Variants in TGFA observed in about 807,000 individuals in gnomAD.
TGFA encodes the protein transforming growth factor alpha.
In TGFA, 12 loss-of-function variants were observed where a neutral mutation model predicts 21.7. The ratio of observed to expected loss-of-function variants is 0.55; its 90% CI spans 0.35 to 0.90. The LOEUF (loss-of-function observed/expected upper bound fraction) is 0.90, where lower values mean the gene tolerates loss of function less well. TGFA is among the 40% of genes least tolerant of loss of function. The pLI, the probability that TGFA is intolerant of heterozygous loss-of-function variation, is 0.01. For synonymous variants in TGFA, 79 were observed against 88.1 expected (o/e 0.90, Z 0.58); for missense variants, 178 against 210.8 (o/e 0.84, Z 0.96).
At chr2:70,494,213 C>T (rs1671513251) in intron 2 of TGFA, among the ~76,000 whole-genome samples, 1 of 152,114 alleles carries the variant, frequency 6.6e-6, no homozygotes, top group Non-Finnish European at 1.5e-5. Flanking sequence ...TTATAAAGGT[C>T]TTGTGGTTAT....
At chr2:70,486,883 C>T (rs1384470549) in intron 2 of TGFA, among the ~76,000 whole-genome samples, 3 of 152,142 alleles carry the variant, frequency 2.0e-5, no homozygotes, top group African/African-American at 4.8e-5. Flanking sequence ...CCTGTCTCAG[C>T]CTCCTGAGTA....
At chr2:70,488,141 A>G (rs1553497007) in intron 2 of TGFA, among the ~76,000 whole-genome samples, 1 of 152,150 alleles carries the variant, frequency 6.6e-6, no homozygotes, top group Non-Finnish European at 1.5e-5. Flanking sequence ...CTACTTTTCT[A>G]GTGATACATT....
chr2:70,457,363 TTC>T (rs1553490736), intron 3 of TGFA, among the ~76,000 whole-genome samples: 1 of 152,172 alleles, frequency 6.6e-6, no homozygotes, highest in Non-Finnish European at 1.5e-5. Context: ...GATGGTCATT[TTC>T]TTTTACAGGC....
intron 2 of TGFA, among the ~76,000 whole-genome samples, chr2:70,467,894 G>T (rs1670618117): frequency 6.6e-6 from 1 of 152,164 alleles, no homozygotes; most frequent in African/African-American, 2.4e-5. Flanking sequence ...ATTGTGTAGT[G>T]GTTAAAAACA....
At chr2:70,484,414 TTTAAC>T (rs1394866576) in intron 2 of TGFA, among the ~76,000 whole-genome samples, 12 of 152,242 alleles carry the variant, frequency 7.9e-5, no homozygotes, top group Non-Finnish European at 1.5e-4. Context: ...TCTATGATGA[TTTAAC>T]TTTTGATATC....
chr2:70,538,677 T>C (rs1673045310), intron 1 of TGFA, among the ~76,000 whole-genome samples: 1 of 152,246 alleles, frequency 6.6e-6, no homozygotes, highest in African/African-American at 2.4e-5. Context: ...TGAACAGATG[T>C]AGAGTTATTT....
At chr2:70,547,647 T>C (rs1042021263) in intron 1 of TGFA, among the ~76,000 whole-genome samples, 9 of 149,236 alleles carry the variant, frequency 6.0e-5, no homozygotes, top group Middle Eastern at 3.5e-3. Flanking sequence ...AATTCATATA[T>C]GCTTTTAAAG....
chr2:70,458,309 G>C (rs968765108), intron 3 of TGFA, among the ~76,000 whole-genome samples: 2 of 152,130 alleles, frequency 1.3e-5, no homozygotes, highest in Non-Finnish European at 2.9e-5. Context: ...ATCCTGCAAA[G>C]GGTCCCTCCC....
At chr2:70,486,903 A>G (rs1451326109) in intron 2 of TGFA, among the ~76,000 whole-genome samples, 9 of 152,042 alleles carry the variant, frequency 5.9e-5, no homozygotes, top group African/African-American at 2.2e-4. Flanking sequence ...AGCTGGGACT[A>G]CAGAAGCCCG....
intron 2 of TGFA, among the ~76,000 whole-genome samples, chr2:70,472,739 G>A (rs1237691368): frequency 1.2e-4 from 18 of 152,214 alleles, no homozygotes; most frequent in Admixed American, 1.1e-3. Flanking sequence ...AGCGGGAGCC[G>A]GCTGAGCCTG....
intron 5 of TGFA, among the ~76,000 whole-genome samples, chr2:70,451,249 C>T (rs978854232): frequency 6.6e-6 from 1 of 152,206 alleles, no homozygotes; most frequent in Admixed American, 6.5e-5. Context: ...AAAGGCTTCC[C>T]CTGAGGCCAT....
chr2:70,471,294 G>A, intron 2 of TGFA, among the ~76,000 whole-genome samples: 1 of 152,126 alleles, frequency 6.6e-6, no homozygotes, highest in East Asian at 1.9e-4. Context: ...TTCTGATAGG[G>A]GATGTGATTC....
chr2:70,534,913 G>A (rs779791583), intron 1 of TGFA, among the ~76,000 whole-genome samples: 54 of 152,286 alleles, frequency 3.5e-4, no homozygotes, highest in Middle Eastern at 3.4e-3. Flanking sequence ...GGCTGATATG[G>A]AGAGTCAGAA....
chr2:70,528,114 C>G (rs1197235447), intron 1 of TGFA, among the ~76,000 whole-genome samples: 1 of 152,164 alleles, frequency 6.6e-6, no homozygotes, highest in African/African-American at 2.4e-5. Context: ...ACAGAGAGGG[C>G]AGAAGCACGC....
chr2:70,472,492 A>G (rs1011082509), intron 2 of TGFA, among the ~76,000 whole-genome samples: 3 of 152,146 alleles, frequency 2.0e-5, no homozygotes, highest in Non-Finnish European at 4.4e-5. Flanking sequence ...AGACCCACTA[A>G]CAGGGCCTGG....
intron 2 of TGFA, among the ~76,000 whole-genome samples, chr2:70,511,020 G>A (rs17005745): frequency 0.048 from 7,249 of 152,082 alleles, 564 homozygotes; most frequent in African/African-American, 0.16. Flanking sequence ...CATGAGATAA[G>A]CCCCATGCTC....
At chr2:70,495,672 C>T (rs778766003) in intron 2 of TGFA, among the ~76,000 whole-genome samples, 1 of 152,138 alleles carries the variant, frequency 6.6e-6, no homozygotes, top group South Asian at 2.1e-4. Context: ...AGGTGATTCT[C>T]TCCAGTATAT....
At chr2:70,542,599 T>C (rs942293544) in intron 1 of TGFA, among the ~76,000 whole-genome samples, 2 of 152,162 alleles carry the variant, frequency 1.3e-5, no homozygotes, top group Non-Finnish European at 1.5e-5. Flanking sequence ...ATGGACACAA[T>C]GGTAAATTTG....
chr2:70,450,864 C>A lies in TGFA; in HGVS notation c.478G>T (p.Val160Phe). The part of the protein sequence containing the change: ...RTACCHSETV[V>F] ...AAACTCCTCCTCTGGGCTCTTCAGA[C>A]CACTGGCAGGAAGGAAAAACAGGTT... Residue 160 changes from valine (V) to phenylalanine (F), a missense_variant and splice_region_variant, in exon 6 of 6, where the codon GTC (valine) becomes TTC (phenylalanine). By Grantham distance (50) the Val-to-Phe change is conservative (BLOSUM62 -1). Coordinates refer to ENST00000295400, the MANE Select transcript of TGFA (RefSeq NM_003236.4). 1 of 1,609,186 alleles carries A rather than the reference C, an allele frequency of 6.2e-7. No individual in the cohort carries two copies. The highest frequency in any genetic ancestry group is 8.5e-7 in the Non-Finnish European group (1 of 1,177,538).
Sources: gnomAD v4.1 joint callset for allele counts (sites outside exome capture counted in the v4.1 genomes callset) on GRCh38, gnomAD v4.1.1 for gene constraint, MANE v1.5 for transcripts, NCBI Gene and HGNC (gene_info 2026-07-23, HGNC 2026-07-21) for gene names.